C4orf51: variants seen among roughly 807,000 people sequenced by gnomAD.
C4orf51 encodes uncharacterized protein C4orf51.
In C4orf51, 25 loss-of-function variants were observed where a neutral mutation model predicts 25.2. The ratio of observed to expected loss-of-function variants is 0.99; its 90% CI spans 0.72 to 1.39. C4orf51 has a LOEUF of 1.39. C4orf51 is among the 40% of genes most tolerant of loss of function. The pLI is 0.00. For synonymous variants in C4orf51, 100 were observed against 84.5 expected (o/e 1.18, Z -1.01); for missense variants, 252 against 239.6 (o/e 1.05, Z -0.34).
At chr4:145,688,073 T>G (rs1232229495) in intron 1 of C4orf51, among the ~76,000 whole-genome samples, 2 of 151,708 alleles carry the variant, frequency 1.3e-5, no homozygotes, top group East Asian at 3.9e-4. Flanking sequence ...TGGTGGTATA[T>G]GCCTGTGGTT....
chr4:145,731,747 A>G (rs897536149), intron 5 of C4orf51, among the ~76,000 whole-genome samples: 1 of 151,278 alleles, frequency 6.6e-6, no homozygotes, highest in Non-Finnish European at 1.5e-5. Context: ...ACACCCAACT[A>G]ATTTTTGTAT....
chr4:145,733,450 C>T (rs1236916112), downstream of C4orf51, among the ~76,000 whole-genome samples: 5 of 152,168 alleles, frequency 3.3e-5, no homozygotes, highest in African/African-American at 1.2e-4. Context: ...CGCGAAGGGC[C>T]CCGGCAGCCG....
At chr4:145,770,337 AAT>A (rs1346788981) in intron 1 of C4orf51, among the ~76,000 whole-genome samples, 2 of 63,978 alleles carry the variant, frequency 3.1e-5, no homozygotes, top group Non-Finnish European at 5.3e-5. Context: ...TAAATAAATA[AAT>A]AAATAAATAA....
At position 145,761,406 on chromosome 4, in the gene C4orf51, C is replaced by G; in HGVS notation, n.167-9582C>G. ...CGTGCTCGATGAGCTTGTTGGCGGTCTTGGACAGGTAGCCGCACTGGTCGC... is the reference window on the plus strand; with the variant it reads ...CGTGCTCGATGAGCTTGTTGGCGGTGTTGGACAGGTAGCCGCACTGGTCGC... On this transcript the variant is annotated intron_variant and non_coding_transcript_variant, in intron 1 of 1. Transcript: ENST00000510096. This position sits in a 1 kb window ranked among gnomAD's most constrained non-coding sequence, Gnocchi z 6.8. The G allele has an allele frequency of 1.6e-6, 2 of 1,289,888 alleles. No homozygotes were observed. The highest frequency in any genetic ancestry group is 2.0e-6 in the Non-Finnish European group (2 of 988,876). 79.9% of individuals were successfully genotyped at this position (1,289,888 alleles called of 1,614,324 possible).
At chr4:145,774,515 T>C (rs754362937), downstream of C4orf51, 1 of 1,610,566 alleles carries the variant, frequency 6.2e-7, no homozygotes, top group Non-Finnish European at 8.5e-7. Context: ...CCTGTGTGCT[T>C]GGTGCCAATG....
chr4:145,682,928 TGG>T (rs1373274017), intron 1 of C4orf51, among the ~76,000 whole-genome samples: 1 of 151,918 alleles, frequency 6.6e-6, no homozygotes, highest in East Asian at 1.9e-4. Flanking sequence ...GCATACAAAT[TGG>T]GAACAAATAA....
intron 1 of C4orf51, among the ~76,000 whole-genome samples, chr4:145,741,308 G>A (rs1424731274): frequency 6.6e-6 from 1 of 152,162 alleles, no homozygotes; most frequent in Non-Finnish European, 1.5e-5. Flanking sequence ...GCAGAGGGGT[G>A]AGGGGTAGGG....
chr4:145,777,034 T>C, the C4orf51 span, among the ~76,000 whole-genome samples: 2 of 152,214 alleles, frequency 1.3e-5, no homozygotes, highest in Non-Finnish European at 2.9e-5. Flanking sequence ...TCCTTAATGC[T>C]TACTTGGTAT....
intron 2 of C4orf51, among the ~76,000 whole-genome samples, chr4:145,719,583 T>A (rs1170159766): frequency 8.6e-6 from 1 of 116,538 alleles, no homozygotes; most frequent in Admixed American, 9.0e-5. Context: ...AGTGAGACTC[T>A]GTCTCAAAAA....
At chr4:145,752,167 G>A (rs1288150756) in intron 1 of C4orf51, among the ~76,000 whole-genome samples, 5 of 152,166 alleles carry the variant, frequency 3.3e-5, no homozygotes, top group Admixed American at 2.0e-4. Flanking sequence ...GGTACCTAAG[G>A]TTCAAGACAA....
chr4:145,692,953 GTTTTTTTTTTTTTTTT>G (rs202227019), intron 1 of C4orf51, among the ~76,000 whole-genome samples: 5 of 100,970 alleles, frequency 5.0e-5, no homozygotes, highest in African/African-American at 1.4e-4. Context: ...TAAGTTTTTA[GTTTTTTTTTTTTTTTT>G]TTTTTTTTTT....
intron 1 of C4orf51, among the ~76,000 whole-genome samples, chr4:145,742,532 G>GTTTTTTTTT (rs141147414): frequency 7.6e-5 from 8 of 104,990 alleles, no homozygotes; most frequent in Non-Finnish European, 1.1e-4. Flanking sequence ...TCTTTTTCTT[G>GTTTTTTTTT]TTTTTTTTTT....
chr4:145,695,003 G>A (rs1729959243), intron 1 of C4orf51, among the ~76,000 whole-genome samples: 1 of 152,192 alleles, frequency 6.6e-6, no homozygotes, highest in Non-Finnish European at 1.5e-5. Flanking sequence ...GGGATTGTGG[G>A]ATTACAGTTG....
At chr4:145,726,594 C>T (rs757639422) in intron 2 of C4orf51, among the ~76,000 whole-genome samples, 2 of 151,994 alleles carry the variant, frequency 1.3e-5, no homozygotes, top group East Asian at 1.9e-4. Flanking sequence ...TTTGTAGAGA[C>T]GGGGGTCTCC....
At chr4:145,703,939 G>A (rs992875042) in intron 2 of C4orf51, among the ~76,000 whole-genome samples, 1 of 152,134 alleles carries the variant, frequency 6.6e-6, no homozygotes, top group Non-Finnish European at 1.5e-5. Flanking sequence ...TAAAAGAAAA[G>A]GCATAAAAAT....
At chr4:145,740,240 CAAAAAAAAAAAAAA>C (rs60310006) in intron 1 of C4orf51, among the ~76,000 whole-genome samples, 6 of 104,802 alleles carry the variant, frequency 5.7e-5, no homozygotes, top group South Asian at 3.2e-4. Context: ...TCCCTTTCTG[CAAAAAAAAAAAAAA>C]AAAAAAAAAA....
chr4:145,691,141 T>C (rs1244887336), intron 1 of C4orf51, among the ~76,000 whole-genome samples: 1 of 151,606 alleles, frequency 6.6e-6, no homozygotes, highest in Non-Finnish European at 1.5e-5. Flanking sequence ...AGGACATGAA[T>C]AGACACTTCT....
the C4orf51 span, among the ~76,000 whole-genome samples, chr4:145,787,261 G>A: frequency 4.6e-5 from 7 of 151,970 alleles, no homozygotes; most frequent in South Asian, 4.2e-4. Flanking sequence ...TCAGGAGTTC[G>A]AGAACAGCCT....
rs765786986 is a variant in C4orf51 at position 145,732,515 on chromosome 4, A to C, written c.564A>C (p.Arg188=). ...VCSSEDSEAD[R]YSDYGWGGPS... Reference sequence around the variant, plus strand: ...CATCTGAGGATTCAGAAGCTGATCGATACTCCGATTATGGCTGGGGAGGAC... The same window carrying C: ...CATCTGAGGATTCAGAAGCTGATCGCTACTCCGATTATGGCTGGGGAGGAC... The change falls in exon 6 of 6, where the codon CGA becomes CGC. Residue 188 remains arginine, a synonymous_variant. Coordinates refer to ENST00000438731, the MANE Select transcript of C4orf51 (RefSeq NM_001080531.3). The C allele has an allele frequency of 8.7e-6, 14 of 1,611,258 alleles. No individual in the cohort carries two copies. The Admixed American group carries it at 2.0e-4, about 23-fold the overall frequency.
Sources: allele counts gnomAD v4.1 joint callset (sites outside exome capture counted in the v4.1 genomes callset), GRCh38; gene constraint gnomAD v4.1.1; non-coding constraint Gnocchi (gnomAD v3.1); transcripts MANE v1.5; gene names NCBI Gene and HGNC (gene_info 2026-07-23, HGNC 2026-07-21).